NDUFV2: variants seen among roughly 807,000 people sequenced by gnomAD.
NDUFV2 encodes NADH:ubiquinone oxidoreductase core subunit V2.
A neutral mutation model predicts 31.6 loss-of-function variants in NDUFV2; 18 were observed. The observed-to-expected ratio is 0.57, with a 90% confidence interval of 0.39 to 0.84. The LOEUF (loss-of-function observed/expected upper bound fraction) is 0.84. Ranked by LOEUF, NDUFV2 falls within the 40% of genes least tolerant of loss-of-function variation. NDUFV2 has a pLI of 0.00. For synonymous variants in NDUFV2, 83 were observed against 99.8 expected, an observed-to-expected ratio of 0.83 and a Z score of 1.01; for missense variants, 314 against 303.6, an observed-to-expected ratio of 1.03 and a Z score of -0.26.
In NDUFV2 at chr18:9,102,776, G is replaced by A. The variant is rs1286845100; in HGVS notation, c.33G>A (p.Ala11=). The part of the protein sequence containing the change: MFFSAALRAR[A]AGLTAHWGRH... ...TCTCCGCGGCGCTCCGGGCCCGGGC[G>A]GCTGGCCTCACCGCCCACTGGGTAA... Residue 11 remains alanine (A), a synonymous_variant, in exon 1 of 8, where the codon GCG becomes GCA. Coordinates refer to ENST00000318388, the MANE Select transcript of NDUFV2 (RefSeq NM_021074.5). 4 of 1,581,774 alleles carry A rather than the reference G, an allele frequency of 2.5e-6. No homozygotes were observed. The East Asian group carries it at 9.3e-5, about 37-fold the overall frequency.
chr18:9,116,767 A>G (rs932839081), intron 1 of NDUFV2, among the ~76,000 whole-genome samples: 13 of 152,104 alleles, frequency 8.5e-5, no homozygotes, highest in African/African-American at 2.2e-4. Context: ...ACTTTCTTCT[A>G]TGTTTGCCTT....
At chr18:9,104,248 A>ATAAGG in intron 1 of NDUFV2, 2 of 1,612,682 alleles carry the variant, frequency 1.2e-6, no homozygotes, top group Non-Finnish European at 1.7e-6. Context: ...CCCAAATGAA[A>ATAAGG]TAAGGGAGAG....
chr18:9,116,254 G>A (rs2144738055), intron 1 of NDUFV2, among the ~76,000 whole-genome samples: 1 of 152,292 alleles, frequency 6.6e-6, no homozygotes, highest in Non-Finnish European at 1.5e-5. Context: ...ACTGAGCCCT[G>A]AGGACAGCCT....
chr18:9,105,136 AG>A (rs1335716289), intron 1 of NDUFV2, among the ~76,000 whole-genome samples: 4 of 152,366 alleles, frequency 2.6e-5, no homozygotes, highest in Non-Finnish European at 4.4e-5. Flanking sequence ...ACCTTTCACA[AG>A]TAGTGAGATT....
At chr18:9,119,196 A>G in intron 2 of NDUFV2, 130 bp from the exon 3 acceptor site, 3 of 733,306 alleles carry the variant, frequency 4.1e-6, no homozygotes, top group Non-Finnish European at 7.3e-6. Context: ...TGATGGAAGG[A>G]TAGGGTGGTA....
chr18:9,108,722 ACT>A (rs2077854396), intron 1 of NDUFV2, among the ~76,000 whole-genome samples: 2 of 130,938 alleles, frequency 1.5e-5, no homozygotes, highest in Non-Finnish European at 3.1e-5. Flanking sequence ...ACAGAGTCTT[ACT>A]CTGTTGCCCA....
chr18:9,105,088 T>C, intron 1 of NDUFV2: 1 of 1,205,056 alleles, frequency 8.3e-7, no homozygotes, highest in Non-Finnish European at 1.1e-6. Flanking sequence ...CATTCCATTG[T>C]GAGGATGTTC....
chr18:9,126,992 T>G, intron 7 of NDUFV2, 85 bp downstream of exon 7: 2 of 1,064,640 alleles, frequency 1.9e-6, no homozygotes, highest in Admixed American at 3.4e-5. Flanking sequence ...ATTTTATACC[T>G]TAAGTTCATA....
chr18:9,122,385 C>T (rs943690569), intron 4 of NDUFV2, 128 bp from the exon 5 acceptor site: 2 of 805,620 alleles, frequency 2.5e-6, no homozygotes, highest in Non-Finnish European at 4.0e-6. Flanking sequence ...AGTATGTTTT[C>T]TGCTCTTGAA....
intron 1 of NDUFV2, among the ~76,000 whole-genome samples, chr18:9,106,206 TTCC>T (rs1369044056): frequency 6.6e-6 from 1 of 152,234 alleles, no homozygotes; most frequent in Non-Finnish European, 1.5e-5. Context: ...TTTCTGGCTC[TTCC>T]TTTTCTAGGA....
intron 1 of NDUFV2, chr18:9,103,978 C>A: frequency 1.8e-6 from 1 of 571,168 alleles, no homozygotes; most frequent in Non-Finnish European, 2.9e-6. Flanking sequence ...TTAGACAGTT[C>A]CCGTTCTTTT....
At chr18:9,131,082 T>C (rs1205449071) in intron 7 of NDUFV2, among the ~76,000 whole-genome samples, 3 of 152,224 alleles carry the variant, frequency 2.0e-5, no homozygotes, top group Non-Finnish European at 2.9e-5. Context: ...TCAGCACATA[T>C]TTTGCATGTT....
At chr18:9,113,020 A>G (rs1037924528) in intron 1 of NDUFV2, among the ~76,000 whole-genome samples, 2 of 152,110 alleles carry the variant, frequency 1.3e-5, no homozygotes, top group African/African-American at 2.4e-5. Flanking sequence ...ACTGTTATCT[A>G]ATATTCCATA....
chr18:9,130,656 A>G (rs559243736), intron 7 of NDUFV2, among the ~76,000 whole-genome samples: 1 of 152,210 alleles, frequency 6.6e-6, no homozygotes, highest in Non-Finnish European at 1.5e-5. Flanking sequence ...TAATATAGTT[A>G]TAGTTATTCT....
At chr18:9,119,432 T>C (rs2077918400) in intron 3 of NDUFV2, 42 bp from the exon 4 acceptor site, 1 of 1,602,754 alleles carries the variant, frequency 6.2e-7, no homozygotes, top group Non-Finnish European at 8.5e-7. Context: ...AAATAGGTAA[T>C]ATTTTCTAGA....
chr18:9,118,459 T>G (rs2077910298), intron 2 of NDUFV2, among the ~76,000 whole-genome samples: 1 of 152,156 alleles, frequency 6.6e-6, no homozygotes, highest in Non-Finnish European at 1.5e-5. Context: ...AGTGGACTTG[T>G]GTGATGATTT....
chr18:9,117,822 A>G lies in NDUFV2; in HGVS notation c.55-16A>G. 170 of 1,338,898 alleles carry G rather than the reference A, an allele frequency of 1.3e-4. No individual in the cohort carries two copies. The highest frequency in any genetic ancestry group is 1.7e-4 in the Non-Finnish European group (157 of 931,606). 82.9% of individuals were successfully genotyped at this position (1,338,898 alleles called of 1,614,324 possible). ...GGCTATGATTTACTAAACTTTCTTAAAATTTTAAATTTTAGGGAAGACATG... is the reference window on the plus strand; with the variant it reads ...GGCTATGATTTACTAAACTTTCTTAGAATTTTAAATTTTAGGGAAGACATG... On this transcript the variant is annotated splice_polypyrimidine_tract_variant and intron_variant, in intron 1 of 7. Coordinates refer to ENST00000318388, the MANE Select transcript of NDUFV2 (RefSeq NM_021074.5).
intron 6 of NDUFV2, chr18:9,126,601 A>G (rs1480958885): frequency 4.1e-6 from 2 of 488,882 alleles, no homozygotes; most frequent in Non-Finnish European, 7.5e-6. Flanking sequence ...GACAGACAAT[A>G]AAATCACTGG....
chr18:9,130,867 G>A (rs1283314532), intron 7 of NDUFV2, among the ~76,000 whole-genome samples: 1 of 152,184 alleles, frequency 6.6e-6, no homozygotes, highest in Non-Finnish European at 1.5e-5. Context: ...TCTATATGTG[G>A]TTCAAAACTG....
Sources: gnomAD v4.1 joint callset for allele counts (sites outside exome capture counted in the v4.1 genomes callset) on GRCh38, gnomAD v4.1.1 for gene constraint, MANE v1.5 for transcripts, NCBI Gene and HGNC (gene_info 2026-07-23, HGNC 2026-07-21) for gene names.